Variants in CELF2 observed in about 807,000 individuals in gnomAD.
CELF2 encodes the protein CUG triplet repeat RNA-binding protein 2.
CELF2 carries 8 observed loss-of-function variants against 62.6 expected under a neutral mutation model. That is an observed-to-expected ratio of 0.13 (90% confidence interval 0.07 to 0.23). The LOEUF is 0.23. Ranked by LOEUF, CELF2 falls within the 10% of genes least tolerant of loss-of-function variation. The pLI is 1.00. For synonymous variants in CELF2, 258 were observed against 250.0 expected (o/e 1.03, Z -0.30); for missense variants, 333 against 671.0 (o/e 0.50, Z 5.56).
intron 1 of CELF2, among the ~76,000 whole-genome samples, chr10:11,060,809 T>C (rs1258828477): frequency 6.6e-6 from 1 of 152,250 alleles, no homozygotes; most frequent in Non-Finnish European, 1.5e-5. Flanking sequence ...TACAGTGATC[T>C]GTGATCCATG....
intron 4 of CELF2, among the ~76,000 whole-genome samples, chr10:11,250,293 G>A (rs1301148562): frequency 6.6e-6 from 1 of 152,186 alleles, no homozygotes; most frequent in Non-Finnish European, 1.5e-5. Context: ...AGGATCCCTT[G>A]AGCCCAGGAG....
chr10:11,187,061 T>G lies in CELF2; in HGVS notation c.271+21379T>G, dbSNP rs189899776. 1.3e-4 allele frequency among the ~76,000 whole-genome samples: 20 copies of G among 152,342 alleles called. No homozygotes were observed. The East Asian group carries it at 3.3e-3, about 25-fold the overall frequency. On this transcript the variant is annotated intron_variant, in intron 2 of 12. Transcript: ENST00000633077. ...AGTGTTCTACAAAAGTGAGTTTGAT[T>G]GAGTTGTGTTCTGCAAATCTTCAGT...
chr10:10,690,678 G>A, the CELF2 span, among the ~76,000 whole-genome samples: 1 of 152,072 alleles, frequency 6.6e-6, no homozygotes, highest in South Asian at 2.1e-4. Flanking sequence ...TCAGGGGTTC[G>A]AGAACAGTGT....
chr10:10,572,240 C>T, the CELF2 span, among the ~76,000 whole-genome samples: 68 of 151,664 alleles, frequency 4.5e-4, no homozygotes, highest in African/African-American at 1.6e-3. Flanking sequence ...AGTATATTTT[C>T]TATTGAGGTC....
At chr10:11,151,399 C>T (rs558117285) in intron 1 of CELF2, among the ~76,000 whole-genome samples, 9 of 152,100 alleles carry the variant, frequency 5.9e-5, no homozygotes, top group South Asian at 2.1e-4. Flanking sequence ...GAGTCAGTAA[C>T]GATAGTGTAG....
chr10:10,920,985 C>T (rs2064845612), intron 2 of CELF2, among the ~76,000 whole-genome samples: 1 of 152,154 alleles, frequency 6.6e-6, no homozygotes, highest in Non-Finnish European at 1.5e-5. Flanking sequence ...GACAGAATCT[C>T]ACGCTTTCAC....
chr10:10,711,661 C>A, the CELF2 span, among the ~76,000 whole-genome samples: 11 of 152,266 alleles, frequency 7.2e-5, no homozygotes, highest in African/African-American at 2.6e-4. Context: ...GCAGGAAGAT[C>A]ACTTGAGGTC....
At chr10:10,877,060 T>G (rs148951907) in intron 1 of CELF2, among the ~76,000 whole-genome samples, 4 of 152,326 alleles carry the variant, frequency 2.6e-5, no homozygotes, top group African/African-American at 9.6e-5. Context: ...GCAGGAGGCA[T>G]CTAAAGATGT....
intron 1 of CELF2, among the ~76,000 whole-genome samples, chr10:10,857,432 C>T (rs1188638928): frequency 6.6e-6 from 1 of 151,564 alleles, no homozygotes; most frequent in Non-Finnish European, 1.5e-5. Flanking sequence ...TAGAATCACC[C>T]CAACAAAGCT....
chr10:10,968,408 T>C (rs2050383134), intron 2 of CELF2, among the ~76,000 whole-genome samples: 1 of 152,218 alleles, frequency 6.6e-6, no homozygotes, highest in Admixed American at 6.5e-5. Flanking sequence ...TAAATATGCG[T>C]ATATCATGCT....
At chr10:10,965,114 A>C (rs905667165) in intron 2 of CELF2, among the ~76,000 whole-genome samples, 8 of 152,202 alleles carry the variant, frequency 5.3e-5, no homozygotes, top group Non-Finnish European at 1.2e-4. Context: ...TGCTAGAAGA[A>C]TATCTTGCCT....
At chr10:10,731,651 T>C in the CELF2 span, among the ~76,000 whole-genome samples, 4 of 152,192 alleles carry the variant, frequency 2.6e-5, no homozygotes, top group Non-Finnish European at 5.9e-5. Flanking sequence ...AAAATAACAC[T>C]TCTAGAAAGA....
At chr10:10,820,009 G>T (rs952272845) in intron 1 of CELF2, among the ~76,000 whole-genome samples, 8 of 152,268 alleles carry the variant, frequency 5.3e-5, no homozygotes, top group Admixed American at 3.9e-4. Flanking sequence ...GGAGGTAAAT[G>T]AATCATGGGG....
chr10:10,812,118 G>A (rs899473160), intron 1 of CELF2, among the ~76,000 whole-genome samples: 1 of 152,152 alleles, frequency 6.6e-6, no homozygotes, highest in African/African-American at 2.4e-5. Context: ...AGACATACCC[G>A]AGAGTGGGTG....
At chr10:11,034,996 T>C (rs1372089804) in intron 1 of CELF2, among the ~76,000 whole-genome samples, 1 of 152,190 alleles carries the variant, frequency 6.6e-6, no homozygotes, top group Non-Finnish European at 1.5e-5. Context: ...AGCTTCCATC[T>C]ATTGTCCTAG....
At chr10:11,089,497 C>G (rs2047726580) in intron 1 of CELF2, among the ~76,000 whole-genome samples, 1 of 152,066 alleles carries the variant, frequency 6.6e-6, no homozygotes, top group South Asian at 2.1e-4. Flanking sequence ...ATGAGGAACC[C>G]AAGAAGGGGA....
the CELF2 span, among the ~76,000 whole-genome samples, chr10:10,519,289 A>G: frequency 6.6e-6 from 1 of 152,166 alleles, no homozygotes; most frequent in Admixed American, 6.5e-5. Flanking sequence ...TACAATAGCA[A>G]CCTATAAATG....
chr10:10,715,205 A>G, the CELF2 span, among the ~76,000 whole-genome samples: 1 of 152,232 alleles, frequency 6.6e-6, no homozygotes, highest in Non-Finnish European at 1.5e-5. Context: ...AAAATAAGAC[A>G]TTAATAGTTA....
At chr10:10,984,601 C>A (rs2052530908) in intron 2 of CELF2, among the ~76,000 whole-genome samples, 1 of 152,138 alleles carries the variant, frequency 6.6e-6, no homozygotes, top group Admixed American at 6.5e-5. Context: ...CTCAAGCGGT[C>A]TTCAGGTAGC....
Sources: allele counts gnomAD v4.1 joint callset (sites outside exome capture counted in the v4.1 genomes callset), GRCh38; gene constraint gnomAD v4.1.1; transcripts MANE v1.5; gene names NCBI Gene and HGNC (gene_info 2026-07-23, HGNC 2026-07-21).